The following PCDHGB3 variants were observed in gnomAD, a reference collection of about 807,000 sequenced individuals.
PCDHGB3 encodes the protein protocadherin gamma-B3.
A neutral mutation model predicts 59.2 loss-of-function variants in PCDHGB3; 40 were observed. The ratio of observed to expected loss-of-function variants is 0.68; its 90% confidence interval spans 0.52 to 0.88. PCDHGB3 has a LOEUF of 0.88. PCDHGB3 is among the 40% of genes least tolerant of loss of function. The probability of loss-of-function intolerance (pLI) is 0.00; values close to 1 mark genes in which losing one functional copy is unlikely to be tolerated. For missense variants in PCDHGB3, 1,309 were observed against 1,187.9 expected (o/e 1.10, Z -1.50); for synonymous variants, 581 against 503.6 (o/e 1.15, Z -2.06).
chr5:141,427,034 A>G (rs762633589), intron 1 of PCDHGB3: 7 of 457,110 alleles, frequency 1.5e-5, no homozygotes, highest in Non-Finnish European at 2.6e-5. Flanking sequence ...TCAGCCTTAG[A>G]GAGAATGTGC....
chr5:141,388,395 C>G (rs1445370262), intron 1 of PCDHGB3: 2 of 1,613,810 alleles, frequency 1.2e-6, no homozygotes, highest in Non-Finnish European at 8.5e-7. Flanking sequence ...GCAGAATTAC[C>G]AACTCAGTCC....
At position 141,372,467 on chromosome 5, in the gene PCDHGB3, C is replaced by T; in HGVS notation, c.2073C>T (p.His691=). 6.2e-7 allele frequency: 1 copy of T among 1,614,050 alleles called. No individual in the cohort carries two copies. The highest frequency in any genetic ancestry group is 8.5e-7 in the Non-Finnish European group (1 of 1,179,898). The change falls in exon 1 of 4, where the codon CAC becomes CAT. Residue 691 remains histidine (H), a synonymous_variant. Coordinates refer to ENST00000576222, the MANE Select transcript of PCDHGB3 (RefSeq NM_018924.5). ...ACCCTCAGGCGGAGCTACAGTTTCACCTAGTAGTGGCGTTGGCCTTGATCT... is the reference window on the plus strand; with the variant it reads ...ACCCTCAGGCGGAGCTACAGTTTCATCTAGTAGTGGCGTTGGCCTTGATCT... ...PSDPQAELQF[H]LVVALALISV...
chr5:141,385,105 C>T lies in PCDHGB3; in HGVS notation c.2415+12296C>T. ...TTCAGAAGGTGGCTTGGCGAACGTG[C>T]CCACCTCGCACTTTGTGGGCATGGA... On this transcript the variant is annotated intron_variant, in intron 1 of 3. Transcript: ENST00000576222. 3 of 1,614,176 alleles carry T rather than the reference C, an allele frequency of 1.9e-6. No homozygotes were observed. Among genetic ancestry groups the T allele is most frequent in the Non-Finnish European group, 2.5e-6 (3 of 1,180,044 alleles).
chr5:141,414,767 AGCTACAGAT>A, intron 1 of PCDHGB3: 2 of 1,614,190 alleles, frequency 1.2e-6, no homozygotes, highest in Middle Eastern at 1.6e-4. Flanking sequence ...CAGTTTCATG[AGCTACAGAT>A]GCAGGTGACA....
At chr5:141,488,519 G>C (rs1210943979) in intron 1 of PCDHGB3, among the ~76,000 whole-genome samples, 1 of 152,184 alleles carries the variant, frequency 6.6e-6, no homozygotes, top group Non-Finnish European at 1.5e-5. Flanking sequence ...GGGGTCTGGG[G>C]TGTCAGAAAA....
chr5:141,399,699 C>A lies in PCDHGB3; in HGVS notation c.2415+26890C>A, dbSNP rs555724833. ...TTGACTACGAGCAGCTGCGCACCTT[C>A]GAACTCACACTACAGGCCCGCGACC... On this transcript the variant is annotated intron_variant, in intron 1 of 3. Coordinates refer to ENST00000576222, the MANE Select transcript of PCDHGB3 (RefSeq NM_018924.5). The A allele has an allele frequency of 1.9e-6, 3 of 1,613,476 alleles. No homozygotes were observed. In the East Asian group the frequency reaches 6.7e-5, roughly 36 times the overall value.
At position 141,433,275 on chromosome 5, in the gene PCDHGB3, C is replaced by G. The variant is rs1173546273; in HGVS notation, c.2415+60466C>G. 1.5e-5 allele frequency: 19 copies of G among 1,229,998 alleles called. No homozygotes were observed. In the East Asian group the frequency reaches 3.6e-4, roughly 23 times the overall value. The allele number at this position is 1,229,998 out of a possible 1,614,324, so 76.2% of individuals were successfully genotyped here. A position where few individuals can be genotyped will look rare whatever the true frequency, so the allele number is the denominator to read the frequency against. On this transcript the variant is annotated intron_variant, in intron 1 of 3. Transcript: ENST00000576222. ...GCGGTACGATCATAGCTCACTGCAG[C>G]CTCAAACTCCTAGGCTCAAGCAATT...
intron 1 of PCDHGB3, chr5:141,373,807 T>C (rs760297070): frequency 1.2e-5 from 4 of 341,172 alleles, no homozygotes; most frequent in Non-Finnish European, 1.1e-5. Flanking sequence ...CTCTGTGTGA[T>C]AGTTTCACAA....
At chr5:141,449,538 G>A (rs1445815017) in intron 1 of PCDHGB3, among the ~76,000 whole-genome samples, 15 of 145,960 alleles carry the variant, frequency 1.0e-4, no homozygotes, top group East Asian at 4.0e-4. Flanking sequence ...GCAGTGAGCC[G>A]AGATCGCACC....
At chr5:141,375,223 C>T in intron 1 of PCDHGB3, 4 of 1,613,982 alleles carry the variant, frequency 2.5e-6, no homozygotes, top group Non-Finnish European at 3.4e-6. Flanking sequence ...GCCTGAATGG[C>T]CTGGTAACCT....
chr5:141,497,614 A>G (rs1377740795), intron 2 of PCDHGB3, among the ~76,000 whole-genome samples: 1 of 146,530 alleles, frequency 6.8e-6, no homozygotes, highest in Admixed American at 7.0e-5. Context: ...ATCTTGGCTC[A>G]CTGCAACCTC....
At chr5:141,419,635 G>A in intron 1 of PCDHGB3, 1 of 1,612,480 alleles carries the variant, frequency 6.2e-7, no homozygotes, top group African/African-American at 1.3e-5. Flanking sequence ...CCAAGGTGGT[G>A]GCCGTGGACG....
intron 1 of PCDHGB3, chr5:141,395,454 C>T (rs75588357): frequency 0.043 from 25,805 of 605,332 alleles, 669 homozygotes; most frequent in South Asian, 0.075. Flanking sequence ...ATTGTTCAAC[C>T]ATTTTAAGCC....
intron 1 of PCDHGB3, among the ~76,000 whole-genome samples, chr5:141,482,530 C>CAAAAAAAAAAAAA (rs3074545): frequency 3.9e-5 from 3 of 76,560 alleles, no homozygotes; most frequent in African/African-American, 9.6e-5. Context: ...GACAGACATG[C>CAAAAAAAAAAAAA]AAAAAAAAAA....
At chr5:141,415,422 G>A (rs769839324) in intron 1 of PCDHGB3, 3 of 1,614,204 alleles carry the variant, frequency 1.9e-6, no homozygotes, top group East Asian at 2.2e-5. Context: ...GCGTGGACGG[G>A]GTTCGGGCTT....
At chr5:141,405,545 AAGTAGAGTAGCTGGGACTAG>A (rs1053729516) in intron 1 of PCDHGB3, 17 of 631,162 alleles carry the variant, frequency 2.7e-5, no homozygotes, top group African/African-American at 9.2e-5. Flanking sequence ...TCAGCCTCCC[AAGTAGAGTAGCTGGGACTAG>A]AGTAGAGTAG....
chr5:141,411,921 T>C (rs1426892834), intron 1 of PCDHGB3: 1 of 152,234 alleles, frequency 6.6e-6, no homozygotes, highest in Non-Finnish European at 1.5e-5. Context: ...TCAGTCTCTG[T>C]CTCTGATTCT....
At chr5:141,400,112 A>G in intron 1 of PCDHGB3, 1 of 1,614,034 alleles carries the variant, frequency 6.2e-7, no homozygotes. Context: ...GTCTTTGCTG[A>G]CAGCTTGCAG....
In PCDHGB3 at chr5:141,430,720, T is replaced by C. The variant is rs369549088; in HGVS notation, c.2415+57911T>C. On this transcript the variant is annotated intron_variant, in intron 1 of 3. Transcript: ENST00000576222. ...AAGGAACTGCTCCTGACTTCAGTGG[T>C]TAAGGGCAGAATTGAAAATAATTCT... The C allele has an allele frequency of 4.9e-4, 734 of 1,486,386 alleles. 1 individual carries two copies. Among genetic ancestry groups the C allele is most frequent in the Middle Eastern group, 9.1e-4 (5 of 5,506 alleles). The allele number at this position is 1,486,386 out of a possible 1,614,324, so 92.1% of individuals were successfully genotyped here.
Sources: gnomAD v4.1 joint callset for allele counts (sites outside exome capture counted in the v4.1 genomes callset) on GRCh38, gnomAD v4.1.1 for gene constraint, MANE v1.5 for transcripts, NCBI Gene and HGNC (gene_info 2026-07-23, HGNC 2026-07-21) for gene names.